The following SLC25A19 variants were observed in gnomAD, a reference collection of about 807,000 sequenced individuals.
SLC25A19 encodes solute carrier family 25 member 19.
In SLC25A19, 18 loss-of-function variants were observed where a neutral mutation model predicts 27.9. The ratio of observed to expected loss-of-function variants is 0.64; its 90% confidence interval spans 0.45 to 0.96. The LOEUF (loss-of-function observed/expected upper bound fraction) is 0.96, where lower values mean the gene tolerates loss of function less well. Ranked by LOEUF, SLC25A19 falls within the 40% of genes least tolerant of loss-of-function variation. The pLI is 0.00. For synonymous variants in SLC25A19, 169 were observed against 167.1 expected (o/e 1.01, Z -0.09); for missense variants, 371 against 418.3 (o/e 0.89, Z 0.99).
At chr17:75,283,352 A>G in intron 5 of SLC25A19, 71 bp downstream of exon 5, 1 of 1,394,872 alleles carries the variant, frequency 7.2e-7, no homozygotes, top group Non-Finnish European at 9.6e-7. Flanking sequence ...TAAATAAAAA[A>G]TAAAGAATGC....
At position 75,286,683 on chromosome 17, in the gene SLC25A19, C is replaced by G. The variant is rs771055209; in HGVS notation, c.82G>C (p.Val28Leu). 4.3e-6 allele frequency: 7 copies of G among 1,614,024 alleles called. No individual in the cohort carries two copies. Among genetic ancestry groups the G allele is most frequent in the Non-Finnish European group, 5.9e-6 (7 of 1,180,046 alleles). ...AAGGGACTGATCAGCGCCCGAGTAA[C>G]AAGTCCAGACACAGACCCAGCCACT... is the stretch of plus-strand genomic sequence containing the variant. ...VAVAGSVSGL[V>L]TRALISPFDV... Residue 28 changes from valine to leucine, a missense_variant, in exon 3 of 8, where the codon GTT becomes CTT. By Grantham distance (32) the Val-to-Leu change is conservative. Coordinates refer to ENST00000416858, the MANE Select transcript of SLC25A19 (RefSeq NM_001126121.2).
Position 75,277,366 on chromosome 17 carries a change from G to A in SLC25A19, c.761C>T (p.Ala254Val), listed in dbSNP as rs756957854. 50 of 1,613,586 alleles carry A rather than the reference G, an allele frequency of 3.1e-5. No homozygotes were observed. The highest frequency in any genetic ancestry group is 1.8e-4 in the Admixed American group (11 of 59,986). The stretch of plus-strand genomic sequence containing the variant: ...TGAACGGCTCACCTGGCCAAAGGCA[G>A]CTCTGGCATGCTCAAACCCTCCAAC... ...LQVGGFEHAR[A>V]AFGQVRRYKG... Residue 254 changes from alanine (A) to valine (V), a missense_variant, in exon 7 of 8, where the codon GCT (alanine) becomes GTT (valine). Transcript: ENST00000416858.
chr17:75,275,546 T>G (rs1598176664), intron 7 of SLC25A19, among the ~76,000 whole-genome samples: 1 of 152,054 alleles, frequency 6.6e-6, no homozygotes, highest in East Asian at 1.9e-4. Context: ...CCCTACCCAC[T>G]GACCAAAAGA....
chr17:75,274,488 C>T (rs892049205), intron 7 of SLC25A19, among the ~76,000 whole-genome samples: 1 of 152,226 alleles, frequency 6.6e-6, no homozygotes, highest in South Asian at 2.1e-4. Flanking sequence ...TAAGGCACTG[C>T]ACCATTTGGC....
chr17:75,282,309 G>C (rs2078058032), intron 5 of SLC25A19, among the ~76,000 whole-genome samples: 1 of 152,298 alleles, frequency 6.6e-6, no homozygotes, highest in South Asian at 2.1e-4. Flanking sequence ...CTAGCACTTT[G>C]GGAGGCCGAG....
At chr17:75,280,017 T>G (rs4788880) in intron 5 of SLC25A19, among the ~76,000 whole-genome samples, 126,288 of 152,078 alleles carry the variant, frequency 0.83, 53,734 homozygotes, top group Non-Finnish European at 0.92. Flanking sequence ...CTTAAACAAA[T>G]TATCCTTCCT....
In SLC25A19 at chr17:75,278,243, G is replaced by T; in HGVS notation, c.552C>A (p.Ala184=). The change falls in exon 6 of 8, where the codon GCC becomes GCA. Residue 184 remains alanine, a synonymous_variant. Transcript: ENST00000416858. The part of the protein sequence containing the change: ...FYKGLAPTLI[A]IFPYAGLQFS... ...ACTGCAGCCCGGCGTAGGGGAAGAT[G>T]GCGATCAAGGTGGGAGCCAAGCCTT... is the stretch of plus-strand genomic sequence containing the variant. The T allele has an allele frequency of 6.2e-7, 1 of 1,614,100 alleles. No homozygotes were observed. Among genetic ancestry groups the T allele is most frequent in the Non-Finnish European group, 8.5e-7 (1 of 1,180,028 alleles).
In SLC25A19 at chr17:75,273,565, CTTGAAGAAGCCCAGGGCGCCT is replaced by C; in HGVS notation, c.828_848del (p.Ala278_Gly284del). 1 of 1,614,060 alleles carries C rather than the reference CTTGAAGAAGCCCAGGGCGCCT, an allele frequency of 6.2e-7. No individual in the cohort carries two copies. Among genetic ancestry groups the C allele is most frequent in the Non-Finnish European group, 8.5e-7 (1 of 1,179,980 alleles). ...CCTTCAGCAAGCTGGGGGACAGGCC[CTTGAAGAAGCCCAGGGCGCCT>C]TCCTTTTGCAGCACCTGCTTGGCAC... On this transcript the variant is annotated inframe_deletion, in exon 8 of 8. Transcript: ENST00000416858.
Position 75,273,551 on chromosome 17 carries a change from C to T in SLC25A19, c.863G>A (p.Ser288Asn). 1 of 1,614,162 alleles carries T rather than the reference C, an allele frequency of 6.2e-7. No individual in the cohort carries two copies. Among genetic ancestry groups the T allele is most frequent in the Admixed American group, 1.7e-5 (1 of 60,032 alleles). The change falls in exon 8 of 8, where the codon AGC (serine) becomes AAC (asparagine). Residue 288 changes from serine to asparagine, a missense_variant. Coordinates refer to ENST00000416858, the MANE Select transcript of SLC25A19 (RefSeq NM_001126121.2). ...ALGFFKGLSP[S>N]LLKAALSTGF... ...TGTGGAGAGGGCAGCCTTCAGCAAG[C>T]TGGGGGACAGGCCCTTGAAGAAGCC...
At chr17:75,276,458 C>A (rs1217509642) in intron 7 of SLC25A19, among the ~76,000 whole-genome samples, 1 of 152,078 alleles carries the variant, frequency 6.6e-6, no homozygotes, top group African/African-American at 2.4e-5. Flanking sequence ...ACATCCACCT[C>A]TCACGTTCAA....
In SLC25A19 at chr17:75,283,451, G is replaced by A. The variant is rs776470458; in HGVS notation, c.431C>T (p.Thr144Ile). Reference sequence around the variant, plus strand: ...GGGCTCACCCTGAGCTGCAAAGCGGGTGCGCAGAACATCCACGGGGTGCAC... The same window carrying A: ...GGGCTCACCCTGAGCTGCAAAGCGGATGCGCAGAACATCCACGGGGTGCAC... ...LTVHPVDVLRTRFAAQGEPKV... is the reference protein window; with the variant it reads ...LTVHPVDVLRIRFAAQGEPKV... The change falls in exon 5 of 8, where the codon ACC (threonine) becomes ATC (isoleucine). Residue 144 changes from threonine (T) to isoleucine (I), a missense_variant. Thr to Ile is a moderately conservative substitution (Grantham distance 89). Transcript: ENST00000416858. The A allele has an allele frequency of 1.2e-6, 2 of 1,612,448 alleles. No individual in the cohort carries two copies. The highest frequency in any genetic ancestry group is 1.7e-6 in the Non-Finnish European group (2 of 1,179,778).
intron 4 of SLC25A19, among the ~76,000 whole-genome samples, chr17:75,284,041 G>A (rs2078122013): frequency 6.6e-6 from 1 of 151,822 alleles, no homozygotes; most frequent in Non-Finnish European, 1.5e-5. Flanking sequence ...TTGAACCCGG[G>A]AGGCAGAGCT....
In SLC25A19 at chr17:75,277,344, A is replaced by G; in HGVS notation, c.774+9T>C. ...GTCAGAGCTGTCTGCCTGGGAGTGA[A>G]CGGCTCACCTGGCCAAAGGCAGCTC... On this transcript the variant is annotated intron_variant, in intron 7 of 7. Coordinates refer to ENST00000416858, the MANE Select transcript of SLC25A19 (RefSeq NM_001126121.2). 1 of 1,612,622 alleles carries G rather than the reference A, an allele frequency of 6.2e-7. No homozygotes were observed. Among genetic ancestry groups the G allele is most frequent in the Non-Finnish European group, 8.5e-7 (1 of 1,179,620 alleles).
chr17:75,277,392 C>T lies in SLC25A19; in HGVS notation c.735G>A (p.Gln245=), dbSNP rs1232914475. ...CTCTGGCATGCTCAAACCCTCCAACCTGTAGCCGCTTCTTGAAGAGGTCCA... is the reference window on the plus strand; with the variant it reads ...CTCTGGCATGCTCAAACCCTCCAACTTGTAGCCGCTTCTTGAAGAGGTCCA... ...YPLDLFKKRL[Q]VGGFEHARAA... is the part of the protein sequence containing the mutation. Residue 245 remains glutamine, a synonymous_variant, in exon 7 of 8, where the codon CAG becomes CAA. Coordinates refer to ENST00000416858, the MANE Select transcript of SLC25A19 (RefSeq NM_001126121.2). 5.0e-6 allele frequency: 8 copies of T among 1,613,962 alleles called. No homozygotes were observed. In the South Asian group the frequency reaches 5.5e-5, roughly 11 times the overall value.
chr17:75,288,883 C>T (rs1482262378), intron 1 of SLC25A19: 1 of 152,216 alleles, frequency 6.6e-6, no homozygotes, highest in African/African-American at 2.4e-5. Context: ...GGCAAAACCT[C>T]TCCAGGGGTT....
chr17:75,286,615 GA>G lies in SLC25A19; in HGVS notation c.132+17del, dbSNP rs756148239. 6.8e-6 allele frequency: 11 copies of G among 1,613,980 alleles called. No individual in the cohort carries two copies. The highest frequency in any genetic ancestry group is 9.3e-6 in the Non-Finnish European group (11 of 1,180,036). ...AACTTGTCCTCCAGTCCATTGCATGGAAAAAGGGGAAGAGTACCTGGAAACG... is the reference window on the plus strand; with the variant it reads ...AACTTGTCCTCCAGTCCATTGCATGGAAAAGGGGAAGAGTACCTGGAAACG... On this transcript the variant is annotated intron_variant, in intron 3 of 7. Coordinates refer to ENST00000416858, the MANE Select transcript of SLC25A19 (RefSeq NM_001126121.2).
chr17:75,274,959 C>T lies in SLC25A19; in HGVS notation c.775-1320G>A, dbSNP rs190007257. Among the ~76,000 whole-genome samples, 408 of 122,822 alleles carry T rather than the reference C, an allele frequency of 3.3e-3. 5 individuals carry two copies. The highest frequency in any genetic ancestry group is 0.012 in the African/African-American group (399 of 33,202). 80.6% of individuals were successfully genotyped at this position (122,822 alleles called of 152,430 possible). A position where few individuals can be genotyped will look rare whatever the true frequency, so the allele number is the denominator to read the frequency against. On this transcript the variant is annotated intron_variant, in intron 7 of 7. Coordinates refer to ENST00000416858, the MANE Select transcript of SLC25A19 (RefSeq NM_001126121.2). ...GTGGTTATCTGTGGTAGTGAAATTA[C>T]AAGGGATTTTGGTCTTTTTTTTTTT...
At chr17:75,273,915 C>A in intron 7 of SLC25A19, 1 of 393,776 alleles carries the variant, frequency 2.5e-6, no homozygotes, top group Non-Finnish European at 4.8e-6. Context: ...CACACAACAC[C>A]ACGCCTGGCT....
intron 2 of SLC25A19, 163 bp from the exon 3 acceptor site, chr17:75,286,965 C>A: frequency 1.6e-6 from 1 of 640,780 alleles, no homozygotes; most frequent in Non-Finnish European, 2.7e-6. Context: ...CTTTCGGAGG[C>A]CGAGGTGGGT....
Sources: gnomAD v4.1 joint callset for allele counts (sites outside exome capture counted in the v4.1 genomes callset) on GRCh38, gnomAD v4.1.1 for gene constraint, MANE v1.5 for transcripts, NCBI Gene and HGNC (gene_info 2026-07-23, HGNC 2026-07-21) for gene names.